KIF26A: variants seen among roughly 807,000 people sequenced by gnomAD.
The protein encoded by KIF26A is kinesin-like protein KIF26A.
Under a neutral mutation model 126.0 loss-of-function variants are expected in KIF26A, and 74 were observed. That is an observed-to-expected ratio of 0.59 (90% CI 0.49 to 0.71). KIF26A has a LOEUF of 0.71. Ranked by LOEUF, KIF26A falls within the 30% of genes least tolerant of loss-of-function variation. KIF26A has a pLI of 0.00. For synonymous variants in KIF26A, 1,445 were observed against 1,232.7 expected (o/e 1.17, Z -3.61); for missense variants, 2,984 against 2,763.3 (o/e 1.08, Z -1.79).
At chr14:104,179,542 G>A (rs1297202255) in intron 14 of KIF26A, 67 bp from the exon 15 acceptor site, 1 of 1,445,716 alleles carries the variant, frequency 6.9e-7, no homozygotes, top group Non-Finnish European at 9.1e-7. Context: ...GGCCTCTGGG[G>A]GGCCAGGTGG....
Position 104,175,373 on chromosome 14 carries a change from G to A in KIF26A, c.2585G>A (p.Gly862Asp). ...AACGAGGGTCCCTCAGGAGGTCCAGGTGGCACCGACGGAGCTCAGGCCAGC... is the reference window on the plus strand; with the variant it reads ...AACGAGGGTCCCTCAGGAGGTCCAGATGGCACCGACGGAGCTCAGGCCAGC... ...DGNEGPSGGPGGTDGAQASPA... is the reference protein window; with the variant it reads ...DGNEGPSGGPDGTDGAQASPA... Residue 862 changes from glycine to aspartate, a missense_variant, in exon 12 of 15, where the codon GGT (glycine) becomes GAT (aspartate). Physicochemically the swap from Gly to Asp is moderately conservative, Grantham distance 94. Coordinates refer to ENST00000423312, the MANE Select transcript of KIF26A (RefSeq NM_015656.2). 6.2e-7 allele frequency: 1 copy of A among 1,600,326 alleles called. No individual in the cohort carries two copies. Among genetic ancestry groups the A allele is most frequent in the Non-Finnish European group, 8.5e-7 (1 of 1,177,998 alleles).
In KIF26A at chr14:104,175,799, C is replaced by T; in HGVS notation, c.3011C>T (p.Ala1004Val). ...GGGGCCACCTGCCCCCGCCTGGCTG[C>T]TGGCAGTCGCTGTCCGGAGCGGGGC... is the stretch of plus-strand genomic sequence containing the variant. ...LPGATCPRLA[A>V]GSRCPERGLL... The change falls in exon 12 of 15, where the codon GCT (alanine) becomes GTT (valine). Residue 1004 changes from alanine to valine, a missense_variant. By Grantham distance (64) the Ala-to-Val change is moderately conservative (BLOSUM62 0). Coordinates refer to ENST00000423312, the MANE Select transcript of KIF26A (RefSeq NM_015656.2). 1 of 1,539,374 alleles carries T rather than the reference C, an allele frequency of 6.5e-7. No individual in the cohort carries two copies. The highest frequency in any genetic ancestry group is 8.7e-7 in the Non-Finnish European group (1 of 1,146,760).
rs1220979291 is a variant in KIF26A at position 104,148,598 on chromosome 14, G to A, written c.289-3417G>A. ...TGCCCAGCCTGTGCAGAGGTTGGAAGGTGCAGGAAGTGGCCACAGAGCAGG... is the reference window on the plus strand; with the variant it reads ...TGCCCAGCCTGTGCAGAGGTTGGAAAGTGCAGGAAGTGGCCACAGAGCAGG... On this transcript the variant is annotated intron_variant, in intron 2 of 14. Coordinates refer to ENST00000423312, the MANE Select transcript of KIF26A (RefSeq NM_015656.2). The surrounding 1 kb of genome is among the most constrained non-coding windows in gnomAD (Gnocchi z 4.3). Among the ~76,000 whole-genome samples the A allele has an allele frequency of 6.6e-6, 1 of 150,988 alleles. No homozygotes were observed. The highest frequency in any genetic ancestry group is 1.5e-5 in the Non-Finnish European group (1 of 67,796).
In KIF26A at chr14:104,152,443, C is replaced by T. The variant is rs2037739242; in HGVS notation, c.717C>T (p.Phe239=). The change falls in exon 3 of 15, where the codon TTC becomes TTT. Residue 239 remains phenylalanine, a synonymous_variant. Coordinates refer to ENST00000423312, the MANE Select transcript of KIF26A (RefSeq NM_015656.2). The surrounding 1 kb of genome is among the most constrained non-coding windows in gnomAD (Gnocchi z 5.9). ...GMWSVSRVNS[F]LPPACLAEAA... is the part of the protein sequence containing the mutation. ...GGAGTGTCTCGCGGGTCAACAGCTT[C>T]CTCCCGCCGGCGTGCCTGGTGAGTG... 1.3e-6 allele frequency: 2 copies of T among 1,582,712 alleles called. No individual in the cohort carries two copies. Among genetic ancestry groups the T allele is most frequent in the Non-Finnish European group, 8.6e-7 (1 of 1,166,048 alleles).
At chr14:104,143,110 C>T (rs1396807571) in intron 2 of KIF26A, among the ~76,000 whole-genome samples, 1 of 152,234 alleles carries the variant, frequency 6.6e-6, no homozygotes, top group Non-Finnish European at 1.5e-5. Context: ...TTGATTATCG[C>T]CCCCGATGGG....
At position 104,176,234 on chromosome 14, in the gene KIF26A, T is replaced by C. The variant is rs778872201; in HGVS notation, c.3446T>C (p.Leu1149Pro). The C allele has an allele frequency of 1.2e-6, 2 of 1,600,712 alleles. No homozygotes were observed. The highest frequency in any genetic ancestry group is 1.1e-5 in the South Asian group (1 of 88,962). Residue 1149 changes from leucine (L) to proline (P), a missense_variant, in exon 12 of 15, where the codon CTG (leucine) becomes CCG (proline). Physicochemically the swap from Leu to Pro is moderately conservative, Grantham distance 98. Coordinates refer to ENST00000423312, the MANE Select transcript of KIF26A (RefSeq NM_015656.2). ...CTTGACCCTGGGGGCCCCCCTGCCCTGGATGGTTCCCTGGGGGATGGAAGC... is the reference window on the plus strand; with the variant it reads ...CTTGACCCTGGGGGCCCCCCTGCCCCGGATGGTTCCCTGGGGGATGGAAGC... ...AGLDPGGPPA[L>P]DGSLGDGSSG...
chr14:104,175,717 G>C lies in KIF26A; in HGVS notation c.2929G>C (p.Ala977Pro). The C allele has an allele frequency of 1.9e-6, 3 of 1,585,814 alleles. No homozygotes were observed. Among genetic ancestry groups the C allele is most frequent in the Non-Finnish European group, 2.6e-6 (3 of 1,167,336 alleles). ...TGGGGGAGGGGGCACTGATGGAGTG[G>C]CACGGACCCCTCCCGTGGGCATGAG... ...EPGGGGTDGV[A>P]RTPPVGMSGQ... Residue 977 changes from alanine (A) to proline (P), a missense_variant, in exon 12 of 15, where the codon GCA (alanine) becomes CCA (proline). Coordinates refer to ENST00000423312, the MANE Select transcript of KIF26A (RefSeq NM_015656.2).
At chr14:104,167,568 C>T (rs2037918966) in intron 5 of KIF26A, among the ~76,000 whole-genome samples, 1 of 152,138 alleles carries the variant, frequency 6.6e-6, no homozygotes, top group South Asian at 2.1e-4. Flanking sequence ...ATGGGACAGG[C>T]TGGCTCCTGG....
At chr14:104,174,714 TG>T (rs1298870898) in intron 11 of KIF26A, among the ~76,000 whole-genome samples, 1 of 152,182 alleles carries the variant, frequency 6.6e-6, no homozygotes, top group Non-Finnish European at 1.5e-5. Context: ...GCCACTGGCC[TG>T]GGCACACATG....
intron 12 of KIF26A, 57 bp from the exon 13 acceptor site, chr14:104,178,493 G>A (rs1172887757): frequency 1.5e-6 from 2 of 1,317,438 alleles, no homozygotes; most frequent in South Asian, 1.6e-5. Context: ...CCCCGCAGGG[G>A]CTGTGCTTGG....
At chr14:104,162,055 G>C (rs957500717) in intron 4 of KIF26A, among the ~76,000 whole-genome samples, 1 of 152,230 alleles carries the variant, frequency 6.6e-6, no homozygotes, top group Admixed American at 6.5e-5. Context: ...CCAGATGGGG[G>C]CTGCTGTGTC....
chr14:104,179,195 GA>G (rs2038072119), intron 13 of KIF26A, 40 bp from the exon 14 acceptor site: 1 of 1,424,106 alleles, frequency 7.0e-7, no homozygotes, highest in Non-Finnish European at 9.1e-7. Flanking sequence ...TCTCTGGGGA[GA>G]GGGTCCCATG....
At chr14:104,159,767 G>T (rs986233776) in intron 4 of KIF26A, among the ~76,000 whole-genome samples, 1 of 152,196 alleles carries the variant, frequency 6.6e-6, no homozygotes, top group Non-Finnish European at 1.5e-5. Context: ...AGGTTGTGGC[G>T]GGGGACATCC....
At chr14:104,167,583 C>T (rs939604024) in intron 5 of KIF26A, among the ~76,000 whole-genome samples, 1 of 152,100 alleles carries the variant, frequency 6.6e-6, no homozygotes, top group Non-Finnish European at 1.5e-5. Flanking sequence ...TCCTGGCTGT[C>T]CCTGGAGCTC....
Position 104,176,564 on chromosome 14 carries a change from G to A in KIF26A, c.3776G>A (p.Arg1259Lys). Residue 1259 changes from arginine to lysine, a missense_variant, in exon 12 of 15, where the codon AGG becomes AAG. By Grantham distance (26) the Arg-to-Lys change is conservative. Coordinates refer to ENST00000423312, the MANE Select transcript of KIF26A (RefSeq NM_015656.2). ...GATACCCAGGCAGCTTCTGCTGGCA[G>A]GGCCCCCAGCCCCACACTTGGCTCC... Reference protein sequence around the residue: ...ECDTQAASAGRAPSPTLGSPR... With the variant: ...ECDTQAASAGKAPSPTLGSPR... 6.2e-7 allele frequency: 1 copy of A among 1,607,006 alleles called. No homozygotes were observed. Among genetic ancestry groups the A allele is most frequent in the Non-Finnish European group, 8.5e-7 (1 of 1,179,712 alleles).
At chr14:104,165,569 GTATGCATGTGTGTGTCTGTGTGTC>G (rs1349802749) in intron 4 of KIF26A, among the ~76,000 whole-genome samples, 2 of 140,228 alleles carry the variant, frequency 1.4e-5, no homozygotes, top group Non-Finnish European at 3.0e-5. Context: ...GTGTGTTTCT[GTATGCATGTGTGTGTCTGTGTGTC>G]TATGCATGTG....
At position 104,176,832 on chromosome 14, in the gene KIF26A, C is replaced by T. The variant is rs1276230279; in HGVS notation, c.4044C>T (p.Pro1348=). 3.9e-6 allele frequency: 6 copies of T among 1,549,482 alleles called. No homozygotes were observed. The highest frequency in any genetic ancestry group is 2.4e-5 in the East Asian group (1 of 41,284). The change falls in exon 12 of 15, where the codon CCC becomes CCT. Residue 1348 remains proline, a synonymous_variant. Coordinates refer to ENST00000423312, the MANE Select transcript of KIF26A (RefSeq NM_015656.2). Reference sequence around the variant, plus strand: ...CCACCAGCAAGAAGGGTCTGGCTCCCAAGGCGGGCTTCCTCCCGAGGCCCA... The same window carrying T: ...CCACCAGCAAGAAGGGTCTGGCTCCTAAGGCGGGCTTCCTCCCGAGGCCCA... ...ASPTSKKGLA[P]KAGFLPRPSG...
intron 4 of KIF26A, among the ~76,000 whole-genome samples, chr14:104,166,067 T>TG (rs139647013): frequency 0.041 from 6,182 of 151,732 alleles, 171 homozygotes; most frequent in Non-Finnish European, 0.051. Context: ...CTGGCGGTGC[T>TG]GGGGCAAGGC....
In KIF26A at chr14:104,151,250, T is replaced by C. The variant is rs1295321639; in HGVS notation, c.289-765T>C. On this transcript the variant is annotated intron_variant, in intron 2 of 14. Coordinates refer to ENST00000423312, the MANE Select transcript of KIF26A (RefSeq NM_015656.2). This position sits in a 1 kb window ranked among gnomAD's most constrained non-coding sequence, Gnocchi z 4.9. ...ATCCTCCTCTGGGTTCTTCTGGCTC[T>C]TGTTTTTAGCCGTTTCTAGAACCCA... is the stretch of plus-strand genomic sequence containing the variant. Among the ~76,000 whole-genome samples, 1 of 152,216 alleles carries C rather than the reference T, an allele frequency of 6.6e-6. No homozygotes were observed. Among genetic ancestry groups the C allele is most frequent in the Admixed American group, 6.5e-5 (1 of 15,290 alleles).
Sources: allele counts gnomAD v4.1 joint callset (sites outside exome capture counted in the v4.1 genomes callset), GRCh38; gene constraint gnomAD v4.1.1; non-coding constraint Gnocchi (gnomAD v3.1); transcripts MANE v1.5; gene names NCBI Gene and HGNC (gene_info 2026-07-23, HGNC 2026-07-21).